TAFA2: variants seen among roughly 807,000 people sequenced by gnomAD.
TAFA2 encodes chemokine-like protein TAFA-2.
TAFA2 carries 7 observed loss-of-function variants against 18.8 expected under a neutral mutation model. The observed-to-expected ratio is 0.37, with a 90% CI of 0.21 to 0.70. The LOEUF (loss-of-function observed/expected upper bound fraction) is 0.70. Ranked by LOEUF, TAFA2 falls within the 30% of genes least tolerant of loss-of-function variation. The pLI, the probability that TAFA2 is intolerant of heterozygous loss-of-function variation, is 0.53. For synonymous variants in TAFA2, 60 were observed against 54.2 expected (o/e 1.11, Z -0.47); for missense variants, 122 against 158.1 (o/e 0.77, Z 1.23).
At chr12:61,789,698 AT>A (rs1043551923) in intron 2 of TAFA2, among the ~76,000 whole-genome samples, 4 of 151,912 alleles carry the variant, frequency 2.6e-5, no homozygotes, top group East Asian at 1.9e-4. Flanking sequence ...AATTAAAAAA[AT>A]AAAAATAATT....
At chr12:61,876,538 T>C (rs140160280) in intron 1 of TAFA2, among the ~76,000 whole-genome samples, 1 of 152,076 alleles carries the variant, frequency 6.6e-6, no homozygotes, top group Non-Finnish European at 1.5e-5. Flanking sequence ...CAGCAAACCA[T>C]TAAAACATGG....
intron 4 of TAFA2, among the ~76,000 whole-genome samples, chr12:61,713,800 TG>T (rs956841776): frequency 2.6e-5 from 4 of 152,004 alleles, no homozygotes; most frequent in African/African-American, 7.2e-5. Context: ...TCTGGCATGC[TG>T]GGGGGGAAAC....
At chr12:61,762,820 T>C (rs182283971) in intron 2 of TAFA2, among the ~76,000 whole-genome samples, 8 of 152,130 alleles carry the variant, frequency 5.3e-5, no homozygotes, top group Admixed American at 5.2e-4. Context: ...GTCTCATTGA[T>C]TATGAAATTT....
At chr12:62,088,974 C>G (rs544386717) in intron 1 of TAFA2, among the ~76,000 whole-genome samples, 29 of 152,164 alleles carry the variant, frequency 1.9e-4, no homozygotes, top group African/African-American at 6.7e-4. Context: ...AACACACACA[C>G]AGTTCTTATG....
intron 1 of TAFA2, among the ~76,000 whole-genome samples, chr12:62,109,254 TG>T: frequency 6.6e-6 from 1 of 152,322 alleles, no homozygotes; most frequent in East Asian, 1.9e-4. Flanking sequence ...CCCCATTGCT[TG>T]TTTTTGTCAG....
At chr12:61,906,157 A>G (rs984172921) in intron 1 of TAFA2, among the ~76,000 whole-genome samples, 1 of 152,094 alleles carries the variant, frequency 6.6e-6, no homozygotes, top group African/African-American at 2.4e-5. Context: ...AGAATATCAC[A>G]CTCGGTAAGT....
chr12:61,732,195 G>C (rs1870481325), intron 4 of TAFA2, among the ~76,000 whole-genome samples: 1 of 152,026 alleles, frequency 6.6e-6, no homozygotes, highest in African/African-American at 2.4e-5. Context: ...GCTGGGAAAA[G>C]AGCATTTTAG....
chr12:62,014,491 G>A (rs1470773567), intron 1 of TAFA2, among the ~76,000 whole-genome samples: 1 of 152,056 alleles, frequency 6.6e-6, no homozygotes, highest in Non-Finnish European at 1.5e-5. Context: ...AATTAGCCGG[G>A]CATATTGGTG....
intron 1 of TAFA2, among the ~76,000 whole-genome samples, chr12:61,999,411 A>G (rs1880305840): frequency 6.6e-6 from 1 of 152,224 alleles, no homozygotes; most frequent in Admixed American, 6.5e-5. Context: ...GCAAAAGGAC[A>G]GGGAGTTTTA....
At chr12:61,824,130 T>C (rs887497011) in intron 2 of TAFA2, among the ~76,000 whole-genome samples, 11 of 152,286 alleles carry the variant, frequency 7.2e-5, no homozygotes, top group Admixed American at 1.3e-4. Flanking sequence ...CAGGAACTGA[T>C]AGTAACCTCC....
chr12:61,959,208 A>C (rs1445836166), intron 1 of TAFA2, among the ~76,000 whole-genome samples: 2 of 151,988 alleles, frequency 1.3e-5, no homozygotes, highest in African/African-American at 4.8e-5. Context: ...CAATTAAAAA[A>C]TTTGTTGGAT....
At chr12:61,713,074 C>T (rs1381109466) in intron 4 of TAFA2, among the ~76,000 whole-genome samples, 7 of 152,138 alleles carry the variant, frequency 4.6e-5, no homozygotes. Context: ...TAAATTTAGC[C>T]TAAAGCTTCC....
At chr12:62,159,674 A>G (rs1405960979) in intron 1 of TAFA2, among the ~76,000 whole-genome samples, 1 of 152,128 alleles carries the variant, frequency 6.6e-6, no homozygotes, top group Non-Finnish European at 1.5e-5. Context: ...ACTGCAAGGC[A>G]TAAGAATGAC....
Position 62,156,387 on chromosome 12 carries a change from A to T in TAFA2, c.-2+34872T>A, listed in dbSNP as rs10877803. On this transcript the variant is annotated intron_variant, in intron 1 of 4. Coordinates refer to ENST00000416284, the MANE Select transcript of TAFA2 (RefSeq NM_178539.5). ...ACAGCCACTGTGGAAAACAGTGTGG[A>T]GATTTCTTAAAGAACTAAAAGTAGA... Among the ~76,000 whole-genome samples, 13 of 152,212 alleles carry T rather than the reference A, an allele frequency of 8.5e-5. No homozygotes were observed. The East Asian group carries it at 9.7e-4, about 11-fold the overall frequency.
chr12:62,080,417 G>A (rs1868301481), intron 1 of TAFA2, among the ~76,000 whole-genome samples: 1 of 151,976 alleles, frequency 6.6e-6, no homozygotes, highest in Non-Finnish European at 1.5e-5. Context: ...CTTGGGGGTT[G>A]TCTTAAAATT....
chr12:61,798,183 T>C (rs11174179), intron 2 of TAFA2, among the ~76,000 whole-genome samples: 6,959 of 152,242 alleles, frequency 0.046, 508 homozygotes, highest in African/African-American at 0.16. Context: ...CTGATCATGA[T>C]CTATTAATTT....
intron 1 of TAFA2, among the ~76,000 whole-genome samples, chr12:61,884,132 A>C (rs933302124): frequency 2.6e-5 from 4 of 152,190 alleles, no homozygotes; most frequent in Non-Finnish European, 5.9e-5. Flanking sequence ...ACATGCAAAG[A>C]GTATGAATGG....
chr12:61,824,550 A>G (rs1305324409), intron 2 of TAFA2, among the ~76,000 whole-genome samples: 1 of 152,140 alleles, frequency 6.6e-6, no homozygotes, highest in African/African-American at 2.4e-5. Flanking sequence ...AGATATATCT[A>G]TTTTATTTCC....
chr12:62,257,719 A>G (rs2062947546), intron 1 of TAFA2, among the ~76,000 whole-genome samples: 1 of 152,228 alleles, frequency 6.6e-6, no homozygotes, highest in South Asian at 2.1e-4. Context: ...ACATTCATCA[A>G]AAGTTAACTA....
Sources: allele counts gnomAD v4.1 joint callset (sites outside exome capture counted in the v4.1 genomes callset), GRCh38; gene constraint gnomAD v4.1.1; transcripts MANE v1.5; gene names NCBI Gene and HGNC (gene_info 2026-07-23, HGNC 2026-07-21).